The following DIS3L variants were observed in gnomAD, a reference collection of about 807,000 sequenced individuals.
The protein encoded by DIS3L is DIS3 like exosome 3'-5' exoribonuclease, also known as DIS3-like exonuclease 1.
Under a neutral mutation model 120.3 loss-of-function variants are expected in DIS3L, and 100 were observed. That is an observed-to-expected ratio of 0.83 (90% CI 0.71 to 0.98). The LOEUF is 0.98. DIS3L is among the 50% of genes least tolerant of loss of function. The pLI, the probability that DIS3L is intolerant of heterozygous loss-of-function variation, is 0.00. For missense variants in DIS3L, 1,196 were observed against 1,314.2 expected (o/e 0.91, Z 1.39); for synonymous variants, 426 against 470.6 (o/e 0.91, Z 1.23).
At chr15:66,318,885 C>T (rs1346272430) in intron 8 of DIS3L, among the ~76,000 whole-genome samples, 1 of 152,046 alleles carries the variant, frequency 6.6e-6, no homozygotes, top group Non-Finnish European at 1.5e-5. Flanking sequence ...CTCCACCTCC[C>T]GGGTTCAAGC....
In DIS3L at chr15:66,306,832, A is replaced by T; in HGVS notation, c.302A>T (p.Asn101Ile). 1.2e-6 allele frequency: 2 copies of T among 1,614,108 alleles called. No individual in the cohort carries two copies. The highest frequency in any genetic ancestry group is 2.2e-5 in the South Asian group (2 of 91,082). ...TCTCCTCCGTGTCACAGACAGTATA[A>T]CAAACTGCGAAACCTGCTGAAGGAT... Reference protein sequence around the residue: ...VQHQRGRRQYNKLRNLLKDAR... With the variant: ...VQHQRGRRQYIKLRNLLKDAR... Residue 101 changes from asparagine (N) to isoleucine (I), a missense_variant, in exon 3 of 17, where the codon AAC becomes ATC. By Grantham distance (149) the Asn-to-Ile change is moderately radical. Coordinates refer to ENST00000319212, the MANE Select transcript of DIS3L (RefSeq NM_001143688.3).
At chr15:66,294,947 A>G (rs1258558184) in intron 1 of DIS3L, 41 bp from the exon 2 acceptor site, 1 of 1,547,634 alleles carries the variant, frequency 6.5e-7, no homozygotes, top group Admixed American at 2.0e-5. Context: ...ACCAGGTTTG[A>G]AAACATTGTC....
chr15:66,301,073 A>G (rs1227044394), intron 2 of DIS3L, among the ~76,000 whole-genome samples: 2 of 152,158 alleles, frequency 1.3e-5, no homozygotes, highest in Non-Finnish European at 2.9e-5. Context: ...ATCCTTAGAG[A>G]GAACAGTCAG....
In DIS3L at chr15:66,326,176, C is replaced by T. The variant is rs1432310214; in HGVS notation, c.2013C>T (p.Pro671=). 6.2e-7 allele frequency: 1 copy of T among 1,614,202 alleles called. No individual in the cohort carries two copies. The highest frequency in any genetic ancestry group is 1.7e-5 in the Admixed American group (1 of 60,032). Residue 671 remains proline (P), a synonymous_variant, in exon 12 of 17, where the codon CCC becomes CCT. Transcript: ENST00000319212. ...AAAAGAACATTCACGACCTCATCCC[C>T]AAGCAGCCCCTGGAAGTCCACGAGA... ...DDKKNIHDLI[P]KQPLEVHETV...
intron 4 of DIS3L, among the ~76,000 whole-genome samples, chr15:66,309,094 A>AAAATATAT: frequency 0.02 from 312 of 15,330 alleles, 82 homozygotes; most frequent in Non-Finnish European, 0.031. Flanking sequence ...AAAAAAAAAA[A>AAAATATAT]ATATATATAT....
chr15:66,303,450 G>A (rs2092668775), intron 2 of DIS3L, among the ~76,000 whole-genome samples: 1 of 152,134 alleles, frequency 6.6e-6, no homozygotes, highest in South Asian at 2.1e-4. Flanking sequence ...GGCATTCAGT[G>A]CAGCACCCCT....
chr15:66,329,582 G>A (rs1270813742), intron 14 of DIS3L, 183 bp downstream of exon 14: 3 of 1,306,284 alleles, frequency 2.3e-6, no homozygotes, highest in Non-Finnish European at 2.9e-6. Flanking sequence ...AGATTTGACG[G>A]TAGATTATCA....
chr15:66,310,836 A>G (rs1371998413), intron 4 of DIS3L, among the ~76,000 whole-genome samples: 2 of 152,192 alleles, frequency 1.3e-5, no homozygotes, highest in East Asian at 3.8e-4. Flanking sequence ...AAATACATAA[A>G]AAAGACAAGA....
intron 7 of DIS3L, among the ~76,000 whole-genome samples, chr15:66,316,975 C>T (rs1433205714): frequency 6.6e-6 from 1 of 152,210 alleles, no homozygotes; most frequent in Non-Finnish European, 1.5e-5. Context: ...CCATTTTCCT[C>T]TTCATGCTTT....
At chr15:66,294,455 A>G in intron 1 of DIS3L, 2 of 986,202 alleles carry the variant, frequency 2.0e-6, no homozygotes, top group Non-Finnish European at 1.2e-6. Context: ...TAAGGTGAAC[A>G]TTTCAGTTAG....
intron 14 of DIS3L, chr15:66,330,236 G>T: frequency 1.0e-6 from 1 of 963,504 alleles, no homozygotes; most frequent in Non-Finnish European, 1.2e-6. Context: ...GGCGGAGCTT[G>T]CAGTGAGCTG....
rs183727383 is a variant in DIS3L at position 66,323,348 on chromosome 15, C to G, written c.1575-145C>G. On this transcript the variant is annotated intron_variant, in intron 10 of 16. Transcript: ENST00000319212. ...GGGACCATGGGAATAGTTTTATTAC[C>G]CAGTCTGCTGCACTTTATGAAACAG... 1.3e-4 allele frequency: 92 copies of G among 733,660 alleles called. No individual in the cohort carries two copies. In the East Asian group the frequency reaches 2.2e-3, roughly 18 times the overall value. The allele number at this position is 733,660 out of a possible 1,614,324, so 45.4% of individuals were successfully genotyped here.
Position 66,306,822 on chromosome 15 carries a change from A to G in DIS3L, c.294-2A>G. ...GAGTTATTTTTCTCCTCCGTGTCAC[A>G]GACAGTATAACAAACTGCGAAACCT... On this transcript the variant is annotated splice_acceptor_variant, in intron 2 of 16. Coordinates refer to ENST00000319212, the MANE Select transcript of DIS3L (RefSeq NM_001143688.3). LOFTEE classifies it high-confidence loss of function. The G allele has an allele frequency of 6.2e-7, 1 of 1,614,098 alleles. No individual in the cohort carries two copies. The highest frequency in any genetic ancestry group is 8.5e-7 in the Non-Finnish European group (1 of 1,179,954).
intron 2 of DIS3L, among the ~76,000 whole-genome samples, chr15:66,298,385 A>G (rs2092612699): frequency 6.6e-6 from 1 of 152,222 alleles, no homozygotes. Flanking sequence ...GTGTTTAAAC[A>G]TAAATCTCGG....
intron 12 of DIS3L, 66 bp from the exon 13 acceptor site, chr15:66,328,904 C>G: frequency 6.5e-7 from 1 of 1,538,704 alleles, no homozygotes; most frequent in Middle Eastern, 1.7e-4. Context: ...TGAAGGGTTC[C>G]CCTCAAAGTG....
At position 66,295,023 on chromosome 15, in the gene DIS3L, G is replaced by A. The variant is rs769755641; in HGVS notation, c.175G>A (p.Val59Met). ...KLLSSDVTHYVIPDWKVVQDY... is the reference protein window; with the variant it reads ...KLLSSDVTHYMIPDWKVVQDY... ...CTTGTCTAGTGATGTGACTCATTAC[G>A]TGATCCCAGACTGGAAAGTTGTTCA... Residue 59 changes from valine (V) to methionine (M), a missense_variant, in exon 2 of 17, where the codon GTG becomes ATG. Coordinates refer to ENST00000319212, the MANE Select transcript of DIS3L (RefSeq NM_001143688.3). The A allele has an allele frequency of 6.2e-7, 1 of 1,613,958 alleles. No individual in the cohort carries two copies. The highest frequency in any genetic ancestry group is 1.7e-5 in the Admixed American group (1 of 60,006).
chr15:66,324,105 T>C (rs971004090), intron 11 of DIS3L, among the ~76,000 whole-genome samples: 42 of 152,238 alleles, frequency 2.8e-4, no homozygotes, highest in Admixed American at 6.5e-5. Context: ...TTTTTCTAGA[T>C]ATAATACATA....
At position 66,318,628 on chromosome 15, in the gene DIS3L, A is replaced by G. The variant is rs575087483; in HGVS notation, c.1164+10A>G. 3 of 1,613,314 alleles carry G rather than the reference A, an allele frequency of 1.9e-6. No individual in the cohort carries two copies. The Admixed American group carries it at 5.0e-5, about 27-fold the overall frequency. ...AGCAGAAACCCTCCAGGTAGTTGGC[A>G]TTCTACCTCTACTATGGGATCTCTA... On this transcript the variant is annotated intron_variant, in intron 8 of 16. Transcript: ENST00000319212.
In DIS3L at chr15:66,293,627, C is replaced by CT; in HGVS notation, c.32dup (p.Arg12GlufsTer42). The CT allele has an allele frequency of 6.9e-7, 1 of 1,448,152 alleles. No individual in the cohort carries two copies. The highest frequency in any genetic ancestry group is 9.1e-7 in the Non-Finnish European group (1 of 1,102,916). 89.7% of individuals were successfully genotyped at this position (1,448,152 alleles called of 1,614,324 possible). A position where few individuals can be genotyped will look rare whatever the true frequency, so the allele number is the denominator to read the frequency against. ...GCAGAAGCGGGAGAAGGTGCTGCTG[C>CT]TGAGGACCTTCCAGGGCCGCACGCT... On this transcript the variant is annotated frameshift_variant, in exon 1 of 17. Transcript: ENST00000319212. LOFTEE classifies it high-confidence loss of function.
Sources: allele counts gnomAD v4.1 joint callset (sites outside exome capture counted in the v4.1 genomes callset), GRCh38; gene constraint gnomAD v4.1.1; transcripts MANE v1.5; gene names NCBI Gene and HGNC (gene_info 2026-07-23, HGNC 2026-07-21).